GPR160: variants seen among roughly 807,000 people sequenced by gnomAD.
GPR160 encodes the protein G protein-coupled receptor 160, also known as probable G protein-coupled receptor 160.
Under a neutral mutation model 2.6 loss-of-function variants are expected in GPR160, and 2 were observed. That is an observed-to-expected ratio of 0.77 (90% CI 0.32 to 2.44). GPR160 has a LOEUF of 2.44. Ranked by LOEUF, GPR160 falls within the 30% of genes most tolerant of loss-of-function variation. GPR160 has a pLI of 0.11. For synonymous variants in GPR160, 130 were observed against 132.2 expected (o/e 0.98, Z 0.12); for missense variants, 351 against 383.6 (o/e 0.91, Z 0.71).
At chr3:170,060,286 C>T (rs1410922264) in intron 2 of GPR160, among the ~76,000 whole-genome samples, 3 of 152,148 alleles carry the variant, frequency 2.0e-5, no homozygotes, top group Non-Finnish European at 2.9e-5. Flanking sequence ...GAAACAACTG[C>T]CAGCTCATGA....
intron 2 of GPR160, chr3:170,062,702 G>A (rs370630905): frequency 7.1e-7 from 1 of 1,399,294 alleles, no homozygotes; most frequent in East Asian, 2.3e-5. Context: ...ACAGGCCCCC[G>A]AAAAAAAGCT....
intron 2 of GPR160, among the ~76,000 whole-genome samples, chr3:170,044,247 T>A (rs1053395075): frequency 7.6e-6 from 1 of 132,092 alleles, no homozygotes; most frequent in Non-Finnish European, 1.5e-5. Context: ...TCACTTGAAC[T>A]CAGGGGGCGG....
At chr3:170,071,128 CTCTT>C (rs1413560889) in intron 2 of GPR160, among the ~76,000 whole-genome samples, 1 of 152,100 alleles carries the variant, frequency 6.6e-6, no homozygotes, top group African/African-American at 2.4e-5. Flanking sequence ...TATTGCTAGG[CTCTT>C]TTTGTTCGGC....
chr3:170,084,686 A>T lies in GPR160; in HGVS notation c.714A>T (p.Lys238Asn). ...CCAGTTATACTGTGAGATCTAAAAA[A>T]ATATTCTTATCCAAGCTCATTGTCT... ...SHSSYTVRSK[K>N]IFLSKLIVCF... The change falls in exon 4 of 4, where the codon AAA becomes AAT. Residue 238 changes from lysine (K) to asparagine (N), a missense_variant. By Grantham distance (94) the Lys-to-Asn change is moderately conservative. Coordinates refer to ENST00000355897, the MANE Select transcript of GPR160 (RefSeq NM_014373.3). 1 of 1,612,356 alleles carries T rather than the reference A, an allele frequency of 6.2e-7. No individual in the cohort carries two copies. Among genetic ancestry groups the T allele is most frequent in the Non-Finnish European group, 8.5e-7 (1 of 1,178,730 alleles).
chr3:170,049,105 C>T lies in GPR160; in HGVS notation c.-193+10062C>T, dbSNP rs920163595. ...CCTCCTGTCTCCCTTAACGTAAGAC[C>T]GTGTAAGGACAAGAGCAGGCTCCCC... On this transcript the variant is annotated intron_variant, in intron 2 of 3. Transcript: ENST00000355897. Among the ~76,000 whole-genome samples the T allele has an allele frequency of 5.3e-5, 8 of 152,248 alleles. No individual in the cohort carries two copies. The East Asian group carries it at 1.4e-3, about 26-fold the overall frequency.
At chr3:170,077,879 T>C (rs991071366) in intron 2 of GPR160, 3 of 167,852 alleles carry the variant, frequency 1.8e-5, no homozygotes, top group Non-Finnish European at 3.9e-5. Flanking sequence ...GTGCCCTGTG[T>C]GAGGAACGCT....
intron 2 of GPR160, among the ~76,000 whole-genome samples, chr3:170,043,105 T>C (rs1716535909): frequency 1.3e-5 from 2 of 152,078 alleles, no homozygotes; most frequent in Admixed American, 1.3e-4. Flanking sequence ...ATGGTCTCGA[T>C]CTACTGACCT....
chr3:170,043,658 T>C (rs1453117377), intron 2 of GPR160, among the ~76,000 whole-genome samples: 1 of 152,216 alleles, frequency 6.6e-6, no homozygotes, highest in Non-Finnish European at 1.5e-5. Context: ...ACACTACCTT[T>C]AGCAGGAAGC....
chr3:170,040,011 C>CG (rs2108304444), intron 2 of GPR160, among the ~76,000 whole-genome samples: 1 of 136,842 alleles, frequency 7.3e-6, no homozygotes, highest in East Asian at 2.4e-4. Flanking sequence ...ACTTCAGGCA[C>CG]GGGGGCCTGT....
intron 2 of GPR160, among the ~76,000 whole-genome samples, chr3:170,059,764 G>C (rs1405821476): frequency 2.6e-5 from 4 of 152,024 alleles, no homozygotes; most frequent in Non-Finnish European, 5.9e-5. Context: ...ATGGTGGTTT[G>C]CTGTACAGAT....
intron 2 of GPR160, among the ~76,000 whole-genome samples, chr3:170,044,324 C>A (rs201719516): frequency 1.5e-3 from 137 of 89,208 alleles, no homozygotes; most frequent in Admixed American, 2.3e-3. Flanking sequence ...AACTCCATCT[C>A]AAAAAAAAAA....
At chr3:170,055,418 T>C (rs1711587910) in intron 2 of GPR160, among the ~76,000 whole-genome samples, 1 of 152,168 alleles carries the variant, frequency 6.6e-6, no homozygotes, top group Admixed American at 6.5e-5. Context: ...GCATGAAGAA[T>C]GTCATAACCT....
Position 170,038,807 on chromosome 3 carries a change from C to G in GPR160, c.-321-108C>G, listed in dbSNP as rs1190403952. On this transcript the variant is annotated intron_variant, in intron 1 of 3. Transcript: ENST00000355897. This position sits in a 1 kb window ranked among gnomAD's most constrained non-coding sequence, Gnocchi z 5.3. ...ATTTGTTTTCCGAGGCCGTTGCGTC[C>G]GGGTAGGTTCCTGGATGACCATCCT... is the stretch of plus-strand genomic sequence containing the variant. 1 of 152,128 alleles carries G rather than the reference C, an allele frequency of 6.6e-6. No individual in the cohort carries two copies. The allele number at this position is 152,128 out of a possible 1,614,324, so 9.4% of individuals were successfully genotyped here.
chr3:170,075,888 G>A (rs1712826373), intron 2 of GPR160, among the ~76,000 whole-genome samples: 1 of 152,096 alleles, frequency 6.6e-6, no homozygotes, highest in South Asian at 2.1e-4. Flanking sequence ...CTTATGTTTG[G>A]GTTGGTGGGA....
intron 2 of GPR160, among the ~76,000 whole-genome samples, chr3:170,064,506 TTTCTTTTC>T (rs1367942459): frequency 8.0e-6 from 1 of 124,988 alleles, no homozygotes; most frequent in Non-Finnish European, 1.7e-5. Flanking sequence ...ATTCTTTTCT[TTTCTTTTC>T]TTTTTTTTTT....
At chr3:170,047,906 C>T (rs574559500) in intron 2 of GPR160, among the ~76,000 whole-genome samples, 7 of 143,888 alleles carry the variant, frequency 4.9e-5, no homozygotes, top group Admixed American at 7.2e-5. Context: ...GGCCCAATGT[C>T]GGCTCACTGC....
At chr3:170,046,477 C>T (rs1716726120) in intron 2 of GPR160, among the ~76,000 whole-genome samples, 1 of 152,126 alleles carries the variant, frequency 6.6e-6, no homozygotes, top group Non-Finnish European at 1.5e-5. Context: ...GGTTTAAGGC[C>T]AGGTCTTCTG....
At chr3:170,067,825 T>C (rs977574785) in intron 2 of GPR160, among the ~76,000 whole-genome samples, 1 of 152,226 alleles carries the variant, frequency 6.6e-6, no homozygotes, top group Non-Finnish European at 1.5e-5. Flanking sequence ...CCCTTTGTTT[T>C]TCTCTTGAAG....
At chr3:170,054,331 G>C (rs1282916080) in intron 2 of GPR160, among the ~76,000 whole-genome samples, 1 of 152,160 alleles carries the variant, frequency 6.6e-6, no homozygotes, top group Non-Finnish European at 1.5e-5. Context: ...TGAGGTCCCA[G>C]AGGTATCCAG....
Sources: gnomAD v4.1 joint callset for allele counts (sites outside exome capture counted in the v4.1 genomes callset) on GRCh38, gnomAD v4.1.1 for gene constraint, Gnocchi (gnomAD v3.1) non-coding constraint, MANE v1.5 for transcripts, NCBI Gene and HGNC (gene_info 2026-07-23, HGNC 2026-07-21) for gene names.